The following CAST variants were observed in gnomAD, a reference collection of about 807,000 sequenced individuals.
CAST encodes the protein calpastatin, also known as MIR583 host.
A neutral mutation model predicts 119.6 loss-of-function variants in CAST; 76 were observed. The ratio of observed to expected loss-of-function variants is 0.64; its 90% CI spans 0.53 to 0.77. The LOEUF is 0.77. CAST is among the 30% of genes least tolerant of loss of function. The pLI, the probability that CAST is intolerant of heterozygous loss-of-function variation, is 0.00. For synonymous variants in CAST, 319 were observed against 331.6 expected (o/e 0.96, Z 0.41); for missense variants, 953 against 946.5 (o/e 1.01, Z -0.09).
At chr5:96,021,503 T>G in the CAST span, among the ~76,000 whole-genome samples, 13 of 152,230 alleles carry the variant, frequency 8.5e-5, no homozygotes, top group Non-Finnish European at 1.8e-4. Context: ...TGGAGTGCAG[T>G]GGCGCGATCT....
At chr5:96,361,350 C>T in the CAST span, among the ~76,000 whole-genome samples, 8 of 152,058 alleles carry the variant, frequency 5.3e-5, no homozygotes, top group South Asian at 2.1e-4. Context: ...AGTTCTGTTT[C>T]GCTGGCATTC....
the CAST span, among the ~76,000 whole-genome samples, chr5:96,299,714 G>T: frequency 3.3e-5 from 5 of 152,096 alleles, no homozygotes; most frequent in Non-Finnish European, 5.9e-5. Context: ...TAGAAAATTT[G>T]TCTAATAAGA....
At chr5:96,008,306 C>G in the CAST span, among the ~76,000 whole-genome samples, 1 of 152,178 alleles carries the variant, frequency 6.6e-6, no homozygotes, top group East Asian at 1.9e-4. Context: ...CACCTGTTCA[C>G]TTTTCCTGTT....
At chr5:96,690,581 A>G (rs1319556228) in intron 2 of CAST, among the ~76,000 whole-genome samples, 1 of 152,184 alleles carries the variant, frequency 6.6e-6, no homozygotes, top group Non-Finnish European at 1.5e-5. Context: ...AGGCTTATTC[A>G]TTATGACTTA....
the CAST span, among the ~76,000 whole-genome samples, chr5:96,495,763 T>C: frequency 6.6e-6 from 1 of 152,212 alleles, no homozygotes; most frequent in Non-Finnish European, 1.5e-5. Flanking sequence ...AATTGTCTTG[T>C]GGATCAATTT....
chr5:96,279,491 C>A, the CAST span, among the ~76,000 whole-genome samples: 51 of 152,130 alleles, frequency 3.4e-4, no homozygotes, highest in Non-Finnish European at 4.7e-4. Flanking sequence ...AACCATTTAG[C>A]TATGTTTGAC....
At chr5:96,028,791 G>A in the CAST span, among the ~76,000 whole-genome samples, 1 of 151,964 alleles carries the variant, frequency 6.6e-6, no homozygotes, top group South Asian at 2.1e-4. Flanking sequence ...ATATTTCATT[G>A]GTTTCATTCC....
At chr5:96,425,008 A>AAAGG in the CAST span, among the ~76,000 whole-genome samples, 3 of 117,478 alleles carry the variant, frequency 2.6e-5, no homozygotes, top group African/African-American at 9.9e-5. Context: ...AGAAAGAAAG[A>AAAGG]AAAGAAAGAA....
chr5:96,082,354 A>G, the CAST span, among the ~76,000 whole-genome samples: 1 of 152,216 alleles, frequency 6.6e-6, no homozygotes, highest in East Asian at 1.9e-4. Context: ...TCACAGCCCT[A>G]TGGACTAGGC....
At chr5:96,092,451 A>G in the CAST span, among the ~76,000 whole-genome samples, 1 of 152,206 alleles carries the variant, frequency 6.6e-6, no homozygotes, top group Non-Finnish European at 1.5e-5. Flanking sequence ...ATGGCATTCA[A>G]TATACATCCT....
chr5:96,398,355 C>T, the CAST span, among the ~76,000 whole-genome samples: 1 of 152,150 alleles, frequency 6.6e-6, no homozygotes, highest in African/African-American at 2.4e-5. Flanking sequence ...GAGCTCTTTC[C>T]CATCCACTAT....
the CAST span, among the ~76,000 whole-genome samples, chr5:95,974,765 T>A: frequency 6.6e-6 from 1 of 152,174 alleles, no homozygotes; most frequent in Non-Finnish European, 1.5e-5. Flanking sequence ...AAAAGTTTGT[T>A]AAGGGTCAAT....
the CAST span, among the ~76,000 whole-genome samples, chr5:96,156,374 C>T: frequency 6.6e-6 from 1 of 152,266 alleles, no homozygotes; most frequent in East Asian, 1.9e-4. Flanking sequence ...AGGGTTTTTC[C>T]TAATTCAGTC....
the CAST span, among the ~76,000 whole-genome samples, chr5:96,461,137 C>G: frequency 6.6e-6 from 1 of 152,148 alleles, no homozygotes; most frequent in South Asian, 2.1e-4. Flanking sequence ...TGTCTAGCTT[C>G]TTTCACTTAA....
the CAST span, among the ~76,000 whole-genome samples, chr5:96,235,341 G>A: frequency 6.6e-6 from 1 of 152,166 alleles, no homozygotes; most frequent in Non-Finnish European, 1.5e-5. Context: ...AAGCTTTAAT[G>A]AGTATCAGCT....
the CAST span, among the ~76,000 whole-genome samples, chr5:96,309,844 C>T: frequency 1.3e-5 from 2 of 152,244 alleles, no homozygotes; most frequent in African/African-American, 4.8e-5. Context: ...GCAGAAATCA[C>T]CCGCCTTCTG....
the CAST span, among the ~76,000 whole-genome samples, chr5:96,102,922 T>G: frequency 6.6e-6 from 1 of 152,060 alleles, no homozygotes; most frequent in African/African-American, 2.4e-5. Context: ...CTTTTTGCAG[T>G]GGTGGAGATA....
chr5:95,995,567 C>A, the CAST span, among the ~76,000 whole-genome samples: 1 of 151,726 alleles, frequency 6.6e-6, no homozygotes, highest in African/African-American at 2.4e-5. Flanking sequence ...TTGGCATACT[C>A]GATATTGGAT....
chr5:96,685,911 A>ATGGTGCATAGCC (rs1418615181), intron 2 of CAST, among the ~76,000 whole-genome samples: 1 of 152,246 alleles, frequency 6.6e-6, no homozygotes, highest in Non-Finnish European at 1.5e-5. Flanking sequence ...AGTGCATAGC[A>ATGGTGCATAGCC]TGGTGCGTAG....
Sources: gnomAD v4.1 joint callset for allele counts (sites outside exome capture counted in the v4.1 genomes callset) on GRCh38, gnomAD v4.1.1 for gene constraint, MANE v1.5 for transcripts, NCBI Gene and HGNC (gene_info 2026-07-23, HGNC 2026-07-21) for gene names.